TRPC4: variants seen among roughly 807,000 people sequenced by gnomAD.
TRPC4 encodes the protein short transient receptor potential channel 4.
In TRPC4, 49 loss-of-function variants were observed where a neutral mutation model predicts 99.4. That is an observed-to-expected ratio of 0.49 (90% CI 0.39 to 0.63). The LOEUF (loss-of-function observed/expected upper bound fraction) is 0.63. TRPC4 is among the 20% of genes least tolerant of loss of function. The probability of loss-of-function intolerance (pLI) is 0.00; values close to 1 mark genes in which losing one functional copy is unlikely to be tolerated. For missense variants in TRPC4, 898 were observed against 1,152.9 expected, an observed-to-expected ratio of 0.78 and a Z score of 3.20; for synonymous variants, 454 against 425.9, an observed-to-expected ratio of 1.07 and a Z score of -0.81.
At chr13:37,819,737 G>A (rs1338126976) in intron 1 of TRPC4, among the ~76,000 whole-genome samples, 2 of 151,314 alleles carry the variant, frequency 1.3e-5, no homozygotes, top group African/African-American at 4.9e-5. Context: ...TTAATACTTG[G>A]GTGACAAAAT....
intron 6 of TRPC4, among the ~76,000 whole-genome samples, chr13:37,659,844 G>C (rs1952368694): frequency 1.3e-5 from 2 of 152,174 alleles, no homozygotes; most frequent in African/African-American, 4.8e-5. Flanking sequence ...TTTGATGTAA[G>C]TTTCTGGGTG....
In TRPC4 at chr13:37,660,910, G is replaced by A. The variant is rs80136238; in HGVS notation, c.1688+2506C>T. 9.8e-3 allele frequency among the ~76,000 whole-genome samples: 1,491 copies of A among 152,246 alleles called. 28 individuals carry two copies. The highest frequency in any genetic ancestry group is 0.034 in the African/African-American group (1,432 of 41,532). On this transcript the variant is annotated intron_variant, in intron 6 of 10. Coordinates refer to ENST00000379705, the MANE Select transcript of TRPC4 (RefSeq NM_016179.4). ...TACCCTGTGACAATGACTGGTGTCCGTTTTGCTTAAACAGAGTCATCAAGA... is the reference window on the plus strand; with the variant it reads ...TACCCTGTGACAATGACTGGTGTCCATTTTGCTTAAACAGAGTCATCAAGA...
chr13:37,869,096 G>C (rs1959978097), intron 1 of TRPC4, among the ~76,000 whole-genome samples: 1 of 152,128 alleles, frequency 6.6e-6, no homozygotes, highest in Non-Finnish European at 1.5e-5. Flanking sequence ...GACGCAGAAT[G>C]TAATCGATCG....
intron 1 of TRPC4, among the ~76,000 whole-genome samples, chr13:37,825,478 G>T (rs544308545): frequency 2.0e-5 from 3 of 152,182 alleles, no homozygotes; most frequent in East Asian, 1.9e-4. Context: ...TTGTGTCTTT[G>T]TTCTCATTGG....
intron 1 of TRPC4, among the ~76,000 whole-genome samples, chr13:37,851,703 GT>G (rs1476805895): frequency 5.9e-5 from 9 of 152,172 alleles, no homozygotes; most frequent in African/African-American, 2.2e-4. Flanking sequence ...ACAGTACCTG[GT>G]TTTAATGTTA....
At chr13:37,860,662 A>C (rs1299185610) in intron 1 of TRPC4, among the ~76,000 whole-genome samples, 1 of 151,468 alleles carries the variant, frequency 6.6e-6, no homozygotes, top group African/African-American at 2.4e-5. Flanking sequence ...AATTTTATAA[A>C]TGTGCATAAA....
Position 37,637,528 on chromosome 13 carries a change from T to TG in TRPC4, c.2308_2309insC (p.Glu770AlafsTer10). On this transcript the variant is annotated frameshift_variant, in exon 11 of 11. Transcript: ENST00000379705. LOFTEE classifies it high-confidence loss of function. ...ATCTGAGTCTGCCGAATTTGAAGAC[T>TG]CCTTCGAGGCATTCGCAGATTGTAT... 1 of 1,613,788 alleles carries TG rather than the reference T, an allele frequency of 6.2e-7. No homozygotes were observed. Among genetic ancestry groups the TG allele is most frequent in the Non-Finnish European group, 8.5e-7 (1 of 1,179,758 alleles).
intron 1 of TRPC4, among the ~76,000 whole-genome samples, chr13:37,809,187 TAGG>T (rs1481519953): frequency 1.3e-5 from 2 of 152,064 alleles, no homozygotes; most frequent in East Asian, 3.9e-4. Flanking sequence ...TAGGTCAATG[TAGG>T]ATGCTCTTCC....
chr13:37,709,888 A>G (rs1486893010), intron 3 of TRPC4, among the ~76,000 whole-genome samples: 1 of 152,158 alleles, frequency 6.6e-6, no homozygotes, highest in African/African-American at 2.4e-5. Context: ...GAATAGTAAC[A>G]GCAGAGAAAC....
At chr13:37,745,498 A>ATG (rs1955736823) in intron 3 of TRPC4, among the ~76,000 whole-genome samples, 1 of 137,276 alleles carries the variant, frequency 7.3e-6, no homozygotes, top group African/African-American at 2.9e-5. Flanking sequence ...ACTTATATAT[A>ATG]CGTATATATG....
chr13:37,635,334 T>C lies in TRPC4; in HGVS notation c.*1569A>G, dbSNP rs1038723439. ...GAGCTGTATTACCTTAGCCAGTTAG[T>C]GCTGGTCTCAGTTTCATCATATGTG... On this transcript the variant is annotated 3_prime_UTR_variant, in exon 11 of 11. Coordinates refer to ENST00000379705, the MANE Select transcript of TRPC4 (RefSeq NM_016179.4). 8.5e-5 allele frequency among the ~76,000 whole-genome samples: 13 copies of C among 152,154 alleles called. No homozygotes were observed. Among genetic ancestry groups the C allele is most frequent in the African/African-American group, 2.9e-4 (12 of 41,436 alleles).
intron 2 of TRPC4, among the ~76,000 whole-genome samples, chr13:37,766,406 A>C (rs1299461221): frequency 7.2e-6 from 1 of 139,378 alleles, no homozygotes; most frequent in Non-Finnish European, 1.6e-5. Flanking sequence ...TTAAAAACAA[A>C]TCTATGCTAA....
At chr13:37,657,545 C>T (rs1952278099) in intron 6 of TRPC4, among the ~76,000 whole-genome samples, 1 of 152,102 alleles carries the variant, frequency 6.6e-6, no homozygotes, top group African/African-American at 2.4e-5. Context: ...TGTGAGTATA[C>T]ACATAAAAAT....
intron 2 of TRPC4, among the ~76,000 whole-genome samples, chr13:37,771,373 T>C (rs1351905866): frequency 6.6e-6 from 1 of 151,760 alleles, no homozygotes; most frequent in Non-Finnish European, 1.5e-5. Flanking sequence ...ATAGCAAAAT[T>C]GAAGAGGGAG....
At chr13:37,651,647 C>T (rs1952048204) in intron 7 of TRPC4, among the ~76,000 whole-genome samples, 188 bp from the exon 8 acceptor site, 1 of 152,166 alleles carries the variant, frequency 6.6e-6, no homozygotes, top group Non-Finnish European at 1.5e-5. Context: ...CTAGGGTAGT[C>T]ACAGCTCTCG....
chr13:37,832,842 A>G (rs576987977), intron 1 of TRPC4, among the ~76,000 whole-genome samples: 3 of 152,312 alleles, frequency 2.0e-5, no homozygotes, highest in African/African-American at 7.2e-5. Context: ...TGCTAACTCT[A>G]GTCAATAGAA....
chr13:37,736,193 G>T (rs1301107721), intron 3 of TRPC4, among the ~76,000 whole-genome samples: 3 of 152,136 alleles, frequency 2.0e-5, no homozygotes, highest in Non-Finnish European at 2.9e-5. Context: ...TTACAGAGTG[G>T]CAGGCACTGA....
intron 2 of TRPC4, among the ~76,000 whole-genome samples, chr13:37,762,870 TAATAA>T (rs920132108): frequency 6.6e-6 from 1 of 150,846 alleles, no homozygotes; most frequent in Non-Finnish European, 1.5e-5. Context: ...AGTATAATAA[TAATAA>T]AATAAAATAA....
At chr13:37,664,997 T>C (rs1369325622) in intron 5 of TRPC4, among the ~76,000 whole-genome samples, 1 of 152,218 alleles carries the variant, frequency 6.6e-6, no homozygotes, top group Non-Finnish European at 1.5e-5. Context: ...TTGATAAATG[T>C]TCTTGAACAT....
Sources: allele counts gnomAD v4.1 joint callset (sites outside exome capture counted in the v4.1 genomes callset), GRCh38; gene constraint gnomAD v4.1.1; transcripts MANE v1.5; gene names NCBI Gene and HGNC (gene_info 2026-07-23, HGNC 2026-07-21).